Variants in ADAMTSL1 observed in about 807,000 individuals in gnomAD.
ADAMTSL1 encodes the protein ADAMTS-like protein 1.
ADAMTSL1 carries 126 observed loss-of-function variants against 201.8 expected under a neutral mutation model. The observed-to-expected ratio is 0.62, with a 90% CI of 0.54 to 0.72. ADAMTSL1 has a LOEUF of 0.72. Among genes scored for constraint, ADAMTSL1 ranks in the 30% least tolerant of loss-of-function variants. The pLI, the probability that ADAMTSL1 is intolerant of heterozygous loss-of-function variation, is 0.00. For missense variants in ADAMTSL1, 2,679 were observed against 2,277.8 expected (o/e 1.18, Z -3.59); for synonymous variants, 1,121 against 903.4 (o/e 1.24, Z -4.32).
chr9:18,591,758 A>G (rs538005793), intron 4 of ADAMTSL1, among the ~76,000 whole-genome samples: 1 of 152,298 alleles, frequency 6.6e-6, no homozygotes, highest in Admixed American at 6.5e-5. Context: ...CATTTTGGCC[A>G]ATGAGAAATA....
chr9:18,885,850 G>T (rs141040664), intron 23 of ADAMTSL1, among the ~76,000 whole-genome samples: 1 of 151,986 alleles, frequency 6.6e-6, no homozygotes, highest in Non-Finnish European at 1.5e-5. Flanking sequence ...TCCAGGCGTC[G>T]GATAGAAGGC....
intron 19 of ADAMTSL1, among the ~76,000 whole-genome samples, chr9:18,794,027 T>TAA (rs199713694): frequency 7.0e-4 from 103 of 146,428 alleles, no homozygotes; most frequent in East Asian, 2.6e-3. Flanking sequence ...CTTTTCAGAT[T>TAA]AAAAAAAAAA....
chr9:18,318,471 GC>G (rs1195528661), intron 2 of ADAMTSL1, among the ~76,000 whole-genome samples: 1 of 152,196 alleles, frequency 6.6e-6, no homozygotes, highest in Non-Finnish European at 1.5e-5. Flanking sequence ...GTTTCAGCAA[GC>G]CTTTCAGAAA....
chr9:18,416,767 A>T (rs1818694216), intron 2 of ADAMTSL1, among the ~76,000 whole-genome samples: 1 of 152,028 alleles, frequency 6.6e-6, no homozygotes, highest in Admixed American at 6.6e-5. Flanking sequence ...AAGAGCTTCT[A>T]AATGCTTAAA....
chr9:17,953,171 T>C (rs1245602404), intron 1 of ADAMTSL1, among the ~76,000 whole-genome samples: 1 of 152,174 alleles, frequency 6.6e-6, no homozygotes, highest in African/African-American at 2.4e-5. Context: ...TTCTTACTGC[T>C]GCTGTTGATG....
chr9:18,117,699 A>G (rs1218416880), intron 1 of ADAMTSL1, among the ~76,000 whole-genome samples: 2 of 152,148 alleles, frequency 1.3e-5, no homozygotes, highest in African/African-American at 2.4e-5. Context: ...TATAAAGTAT[A>G]CTTCTCAGGG....
At chr9:18,306,924 A>G (rs936823286) in intron 2 of ADAMTSL1, among the ~76,000 whole-genome samples, 2 of 152,212 alleles carry the variant, frequency 1.3e-5, no homozygotes, top group African/African-American at 4.8e-5. Flanking sequence ...GAAGGAAAAA[A>G]TGTTAAGGGC....
At chr9:17,944,497 G>A (rs902154913) in intron 1 of ADAMTSL1, among the ~76,000 whole-genome samples, 13 of 151,878 alleles carry the variant, frequency 8.6e-5, no homozygotes, top group South Asian at 4.2e-4. Context: ...AAAAGAGCCC[G>A]CATCATCAAG....
At chr9:18,839,152 T>C (rs973959058) in intron 23 of ADAMTSL1, among the ~76,000 whole-genome samples, 5 of 150,736 alleles carry the variant, frequency 3.3e-5, no homozygotes, top group African/African-American at 1.2e-4. Flanking sequence ...TCATTTAGCA[T>C]TAGGTATATC....
intron 1 of ADAMTSL1, among the ~76,000 whole-genome samples, chr9:17,918,069 C>T (rs1372259483): frequency 6.6e-6 from 1 of 151,864 alleles, no homozygotes; most frequent in Non-Finnish European, 1.5e-5. Context: ...CAATCTGCTT[C>T]ATAGCTTATC....
intron 1 of ADAMTSL1, among the ~76,000 whole-genome samples, chr9:17,930,068 C>T (rs1826715505): frequency 6.6e-6 from 1 of 152,088 alleles, no homozygotes; most frequent in African/African-American, 2.4e-5. Context: ...TACAGCAGCA[C>T]CTATGTTCGT....
intron 1 of ADAMTSL1, among the ~76,000 whole-genome samples, chr9:17,973,204 A>G (rs1417538677): frequency 1.3e-5 from 2 of 151,540 alleles, no homozygotes; most frequent in Non-Finnish European, 2.9e-5. Context: ...TTTTGTTGCC[A>G]TTCCTTTTGG....
chr9:18,330,737 T>C (rs1834998484), intron 2 of ADAMTSL1, among the ~76,000 whole-genome samples: 1 of 152,160 alleles, frequency 6.6e-6, no homozygotes, highest in Non-Finnish European at 1.5e-5. Flanking sequence ...TATAGACAAA[T>C]ATGAGTTATA....
chr9:17,951,885 G>A (rs970514548), intron 1 of ADAMTSL1, among the ~76,000 whole-genome samples: 10 of 151,832 alleles, frequency 6.6e-5, no homozygotes, highest in Non-Finnish European at 8.8e-5. Context: ...TGGCATGATC[G>A]TAGCTCACTG....
At chr9:17,940,810 C>CCG (rs1554667548) in intron 1 of ADAMTSL1, among the ~76,000 whole-genome samples, 4 of 64,462 alleles carry the variant, frequency 6.2e-5, no homozygotes, top group Admixed American at 3.5e-4. Flanking sequence ...ACACCCCCCC[C>CCG]CCAAAAAAAA....
In ADAMTSL1 at chr9:18,324,206, G is replaced by A. The variant is rs377639166; in HGVS notation, c.207+160225G>A. On this transcript the variant is annotated intron_variant, in intron 2 of 29. Transcript: ENST00000680146. ...ACAAAATCATCAAGTTAATGCAATG[G>A]GGAAAAGAAAGTCTTTTTAACATGT... Among the ~76,000 whole-genome samples the A allele has an allele frequency of 5.3e-5, 8 of 152,182 alleles. No homozygotes were observed. In the East Asian group the frequency reaches 1.2e-3, roughly 22 times the overall value.
intron 23 of ADAMTSL1, among the ~76,000 whole-genome samples, chr9:18,857,777 C>G (rs1231908818): frequency 6.6e-6 from 1 of 152,154 alleles, no homozygotes; most frequent in Admixed American, 6.5e-5. Context: ...CCTGTCTTAT[C>G]CAATGGGCTA....
chr9:18,483,164 CCAGA>C (rs1263704091), intron 1 of ADAMTSL1, among the ~76,000 whole-genome samples: 1 of 152,060 alleles, frequency 6.6e-6, no homozygotes, highest in Non-Finnish European at 1.5e-5. Flanking sequence ...ATCTCTAGCA[CCAGA>C]CAAAGAGTTT....
chr9:17,975,206 G>T (rs1262048511), intron 1 of ADAMTSL1, among the ~76,000 whole-genome samples: 2 of 151,608 alleles, frequency 1.3e-5, no homozygotes, highest in African/African-American at 2.4e-5. Context: ...TTTTTAATTG[G>T]GTCATTTTTT....
Sources: gnomAD v4.1 joint callset for allele counts (sites outside exome capture counted in the v4.1 genomes callset) on GRCh38, gnomAD v4.1.1 for gene constraint, MANE v1.5 for transcripts, NCBI Gene and HGNC (gene_info 2026-07-23, HGNC 2026-07-21) for gene names.